The following CFAP92 variants were observed in gnomAD, a reference collection of about 807,000 sequenced individuals.
The protein encoded by CFAP92 is cilia and flagella associated protein 92 (putative), also known as uncharacterized protein CFAP92.
Under a neutral mutation model 106.3 loss-of-function variants are expected in CFAP92, and 86 were observed. The ratio of observed to expected loss-of-function variants is 0.81; its 90% CI spans 0.68 to 0.97. The LOEUF (loss-of-function observed/expected upper bound fraction) is 0.97. CFAP92 is among the 50% of genes least tolerant of loss of function. The pLI is 0.00. For synonymous variants in CFAP92, 477 were observed against 506.4 expected (o/e 0.94, Z 0.78); for missense variants, 1,204 against 1,283.8 (o/e 0.94, Z 0.95).
At chr3:128,934,879 C>G (rs573330208) in intron 11 of CFAP92, among the ~76,000 whole-genome samples, 7 of 152,304 alleles carry the variant, frequency 4.6e-5, no homozygotes, top group Non-Finnish European at 8.8e-5. Flanking sequence ...AGGTCTCGCT[C>G]TGTTGCCCAG....
exon 1 of CFAP92, chr3:129,002,603 C>A (rs1482976035): frequency 3.9e-6 from 2 of 509,414 alleles, no homozygotes; most frequent in East Asian, 7.3e-5. Context: ...GCCACATCAT[C>A]GCGTCTTGCC....
chr3:128,978,681 C>T (rs559819985), intron 4 of CFAP92, among the ~76,000 whole-genome samples: 1 of 152,198 alleles, frequency 6.6e-6, no homozygotes, highest in South Asian at 2.1e-4. Flanking sequence ...CTTTGACAAA[C>T]CTGACAAAAA....
At chr3:128,949,340 G>C (rs905209540) in intron 9 of CFAP92, among the ~76,000 whole-genome samples, 13 of 152,230 alleles carry the variant, frequency 8.5e-5, no homozygotes, top group African/African-American at 3.1e-4. Flanking sequence ...CGAACAAACT[G>C]TGGTACACCC....
rs1559865852 is a variant in CFAP92, at chr3:128,932,851, G to A, written c.2600C>T (p.Ala867Val). The A allele has an allele frequency of 1.3e-6, 2 of 1,536,224 alleles. No individual in the cohort carries two copies. The highest frequency in any genetic ancestry group is 1.4e-5 in the African/African-American group (1 of 73,176). Residue 867 changes from alanine to valine, a missense_variant, in exon 12 of 16, where the codon GCC (alanine) becomes GTC (valine). By Grantham distance (64) the Ala-to-Val change is moderately conservative (BLOSUM62 0). Coordinates refer to ENST00000645291, the MANE Select transcript of CFAP92 (RefSeq NM_001394090.1). The stretch of plus-strand genomic sequence containing the variant: ...ATTGGGGGCAGGCTGAGGTGGTAGG[G>A]CAAACAGTTTCTCATCTGTGAGTTC... ...QEELTDEKLFALPPQPAPNLE... is the reference protein window; with the variant it reads ...QEELTDEKLFVLPPQPAPNLE...
chr3:129,022,227 C>T, the CFAP92 span, among the ~76,000 whole-genome samples: 3 of 152,268 alleles, frequency 2.0e-5, no homozygotes, highest in South Asian at 2.1e-4. Flanking sequence ...CTCATAGGAC[C>T]GCCAGGCCCA....
chr3:129,003,280 T>C (rs983468590), upstream of CFAP92: 2 of 985,290 alleles, frequency 2.0e-6, no homozygotes, highest in Non-Finnish European at 2.4e-6. Context: ...CCGGCATCTC[T>C]CATGCTTGGT....
rs1459380366 is a variant in CFAP92 at position 128,932,720 on chromosome 3, T to C, written c.2731A>G (p.Lys911Glu). The change falls in exon 12 of 16, where the codon AAA (lysine) becomes GAA (glutamate). Residue 911 changes from lysine to glutamate, a missense_variant. By Grantham distance (56) the Lys-to-Glu change is moderately conservative. Coordinates refer to ENST00000645291, the MANE Select transcript of CFAP92 (RefSeq NM_001394090.1). ...CCCACCTGGATGAAACTGTGCTTTT[T>C]GTCTTTGTTCTTCATAAGCATGGCA... ...RSAMLMKNKD[K>E]KHSFIQKNIT... The C allele has an allele frequency of 3.3e-6, 5 of 1,533,044 alleles. No individual in the cohort carries two copies. Among genetic ancestry groups the C allele is most frequent in the Middle Eastern group, 2.1e-4 (1 of 4,820 alleles). 95.0% of individuals were successfully genotyped at this position (1,533,044 alleles called of 1,614,324 possible).
At chr3:128,920,262 G>A (rs9844604) in intron 12 of CFAP92, among the ~76,000 whole-genome samples, 1 of 152,086 alleles carries the variant, frequency 6.6e-6, no homozygotes, top group Non-Finnish European at 1.5e-5. Context: ...AATTAGCTGG[G>A]TGTGGCAGTA....
chr3:128,975,880 G>A lies in CFAP92; in HGVS notation c.920C>T (p.Thr307Ile). 6.2e-7 allele frequency: 1 copy of A among 1,608,592 alleles called. No individual in the cohort carries two copies. The highest frequency in any genetic ancestry group is 8.5e-7 in the Non-Finnish European group (1 of 1,178,010). Reference sequence around the variant, plus strand: ...CATGCTTGCTCCTGCCAAAGAAATGGTTGGTGTTCTTGAAACACTCCATCT... The same window carrying A: ...CATGCTTGCTCCTGCCAAAGAAATGATTGGTGTTCTTGAAACACTCCATCT... Reference protein sequence around the residue: ...TIQWSVSRTPTISLAGASMME... With the variant: ...TIQWSVSRTPIISLAGASMME... Residue 307 changes from threonine (T) to isoleucine (I), a missense_variant, in exon 7 of 16, where the codon ACC becomes ATC. Thr to Ile is a moderately conservative substitution (Grantham distance 89). Transcript: ENST00000645291.
chr3:128,952,442 T>C (rs1391161469), intron 9 of CFAP92, among the ~76,000 whole-genome samples: 1 of 152,096 alleles, frequency 6.6e-6, no homozygotes, highest in Non-Finnish European at 1.5e-5. Context: ...ATATCCAAGA[T>C]AGAATTTTTA....
chr3:129,025,294 G>A, the CFAP92 span, among the ~76,000 whole-genome samples: 2 of 152,052 alleles, frequency 1.3e-5, no homozygotes, highest in Admixed American at 1.3e-4. Context: ...ATTAGGGGTC[G>A]GGACGGAGAG....
intron 12 of CFAP92, among the ~76,000 whole-genome samples, chr3:128,931,916 G>A (rs962210955): frequency 5.9e-5 from 9 of 152,136 alleles, no homozygotes; most frequent in African/African-American, 1.7e-4. Context: ...TACTCAGGAG[G>A]CCGAGGTGGG....
intron 12 of CFAP92, among the ~76,000 whole-genome samples, chr3:128,928,512 A>G (rs1174861365): frequency 1.3e-5 from 2 of 152,212 alleles, no homozygotes; most frequent in African/African-American, 2.4e-5. Flanking sequence ...ACACCCTTAC[A>G]TTTATGGTCA....
intron 7 of CFAP92, among the ~76,000 whole-genome samples, chr3:128,972,288 C>A (rs1942859466): frequency 6.6e-6 from 1 of 151,824 alleles, no homozygotes; most frequent in South Asian, 2.1e-4. Flanking sequence ...GTTGCCCAGG[C>A]TGGAGTGCAA....
chr3:128,975,847 A>G lies in CFAP92; in HGVS notation c.953T>C (p.Ile318Thr). The part of the protein sequence containing the change: ...ISLAGASMME[I>T]KELIESESLS... ...TGATTCACTCTCAATTAATTCCTTG[A>G]TCTCCATCATGCTTGCTCCTGCCAA... is the stretch of plus-strand genomic sequence containing the variant. The change falls in exon 7 of 16, where the codon ATC becomes ACC. Residue 318 changes from isoleucine (I) to threonine (T), a missense_variant. Physicochemically the swap from Ile to Thr is moderately conservative, Grantham distance 89. Transcript: ENST00000645291. The G allele has an allele frequency of 6.2e-7, 1 of 1,610,374 alleles. No homozygotes were observed. Among genetic ancestry groups the G allele is most frequent in the Non-Finnish European group, 8.5e-7 (1 of 1,178,032 alleles).
At chr3:129,009,910 G>A in the CFAP92 span, among the ~76,000 whole-genome samples, 41 of 152,298 alleles carry the variant, frequency 2.7e-4, no homozygotes, top group African/African-American at 9.4e-4. Context: ...GGTGATTCAG[G>A]GCTCACTGGG....
chr3:128,946,214 T>C (rs1242396429), intron 9 of CFAP92, among the ~76,000 whole-genome samples: 3 of 152,150 alleles, frequency 2.0e-5, no homozygotes, highest in Non-Finnish European at 4.4e-5. Flanking sequence ...CAAAAAGCAT[T>C]CGTTACTTAT....
the CFAP92 span, among the ~76,000 whole-genome samples, chr3:129,015,106 C>T: frequency 5.9e-4 from 90 of 152,206 alleles, 1 homozygote; most frequent in Admixed American, 3.9e-4. Context: ...CGGGCTCGCC[C>T]ACTCACAACT....
Position 128,915,196 on chromosome 3 carries a change from T to A in CFAP92, c.3203A>T (p.His1068Leu). ...DRDRWSWDRH[H>L]VDFDLYKKPP... ...TTTCTTGTACAGATCAAAGTCCACGTGGTGCCTGTCCCAGCTCCACCTGTC... is the reference window on the plus strand; with the variant it reads ...TTTCTTGTACAGATCAAAGTCCACGAGGTGCCTGTCCCAGCTCCACCTGTC... The change falls in exon 15 of 16, where the codon CAC (histidine) becomes CTC (leucine). Residue 1068 changes from histidine to leucine, a missense_variant. Transcript: ENST00000645291. The A allele has an allele frequency of 6.5e-7, 1 of 1,536,166 alleles. No individual in the cohort carries two copies. The highest frequency in any genetic ancestry group is 8.7e-7 in the Non-Finnish European group (1 of 1,146,920).
Sources: allele counts gnomAD v4.1 joint callset (sites outside exome capture counted in the v4.1 genomes callset), GRCh38; gene constraint gnomAD v4.1.1; transcripts MANE v1.5; gene names NCBI Gene and HGNC (gene_info 2026-07-23, HGNC 2026-07-21).